PTPRD: variants seen among roughly 807,000 people sequenced by gnomAD.
The protein encoded by PTPRD is protein tyrosine phosphatase receptor type D, also known as receptor-type tyrosine-protein phosphatase delta.
PTPRD carries 34 observed loss-of-function variants against 214.5 expected under a neutral mutation model. The observed-to-expected ratio is 0.16, with a 90% CI of 0.12 to 0.21. PTPRD has a LOEUF of 0.21. Among genes scored for constraint, PTPRD ranks in the 10% least tolerant of loss-of-function variants. PTPRD has a pLI of 1.00. For synonymous variants in PTPRD, 1,128 were observed against 845.7 expected, an observed-to-expected ratio of 1.33 and a Z score of -5.79; for missense variants, 2,545 against 2,398.7, an observed-to-expected ratio of 1.06 and a Z score of -1.27.
rs895460150 is a variant in PTPRD at position 10,227,113 on chromosome 9, G to C, written c.-545+113850C>G. Among the ~76,000 whole-genome samples, 19 of 152,024 alleles carry C rather than the reference G, an allele frequency of 1.2e-4. No homozygotes were observed. The East Asian group carries it at 3.7e-3, about 30-fold the overall frequency. On this transcript the variant is annotated intron_variant, in intron 3 of 45. Coordinates refer to ENST00000381196, the MANE Select transcript of PTPRD (RefSeq NM_002839.4). The stretch of plus-strand genomic sequence containing the variant: ...ATCACACGAAAAATTAATAGAAAAA[G>C]TTATAAAATGGAAGCTAATATTGTA...
intron 39 of PTPRD, among the ~76,000 whole-genome samples, chr9:8,355,194 T>C (rs1034340911): frequency 1.3e-5 from 2 of 152,112 alleles, no homozygotes; most frequent in African/African-American, 4.8e-5. Context: ...GCACCTCTCC[T>C]GTCTCTCTCT....
chr9:10,099,399 G>A (rs2098529109), intron 3 of PTPRD, among the ~76,000 whole-genome samples: 1 of 151,630 alleles, frequency 6.6e-6, no homozygotes, highest in African/African-American at 2.4e-5. Flanking sequence ...GCAAATTAAT[G>A]TAGGAATAAA....
chr9:8,787,322 G>C (rs2096024873), intron 11 of PTPRD, among the ~76,000 whole-genome samples: 1 of 152,154 alleles, frequency 6.6e-6, no homozygotes, highest in Non-Finnish European at 1.5e-5. Context: ...GCAATATGGA[G>C]TCAAAGCTGC....
At chr9:10,595,000 A>T (rs1208558124) in intron 2 of PTPRD, among the ~76,000 whole-genome samples, 2 of 130,386 alleles carry the variant, frequency 1.5e-5, no homozygotes, top group Non-Finnish European at 3.3e-5. Context: ...AAGCTCAATG[A>T]CAGGTTGACT....
intron 9 of PTPRD, among the ~76,000 whole-genome samples, chr9:9,367,239 T>C (rs1029941366): frequency 6.6e-6 from 1 of 151,354 alleles, no homozygotes; most frequent in African/African-American, 2.4e-5. Flanking sequence ...TAGATTACAG[T>C]GGGGGAGGTG....
At chr9:10,333,095 G>A (rs1017602849) in intron 3 of PTPRD, among the ~76,000 whole-genome samples, 5 of 151,838 alleles carry the variant, frequency 3.3e-5, no homozygotes, top group African/African-American at 1.2e-4. Flanking sequence ...GAATAAATAA[G>A]TGATTGATTT....
chr9:9,763,219 A>C (rs2098675749), intron 6 of PTPRD, among the ~76,000 whole-genome samples: 1 of 152,180 alleles, frequency 6.6e-6, no homozygotes, highest in Non-Finnish European at 1.5e-5. Context: ...AGTTTCAAGA[A>C]AAAATAGAAA....
At chr9:9,740,220 T>C (rs1248882973) in intron 6 of PTPRD, among the ~76,000 whole-genome samples, 1 of 152,236 alleles carries the variant, frequency 6.6e-6, no homozygotes, top group Non-Finnish European at 1.5e-5. Flanking sequence ...GATTTGGGAT[T>C]CATCTTTCTT....
intron 4 of PTPRD, among the ~76,000 whole-genome samples, chr9:9,943,400 G>A (rs535541020): frequency 1.3e-5 from 2 of 152,090 alleles, no homozygotes; most frequent in African/African-American, 4.8e-5. Context: ...CGTCAGGTCA[G>A]TAAGAAGTTT....
chr9:8,586,819 C>T (rs759902176), intron 14 of PTPRD, among the ~76,000 whole-genome samples: 11 of 152,192 alleles, frequency 7.2e-5, no homozygotes, highest in East Asian at 1.9e-4. Context: ...ATAAAGTCAG[C>T]GAGGTTATCT....
In PTPRD at chr9:9,154,315, T is replaced by C. The variant is rs189416658; in HGVS notation, c.-143+28989A>G. On this transcript the variant is annotated intron_variant, in intron 10 of 45. Transcript: ENST00000381196. ...CCATAACAAAATACCACGGAGTTGG[T>C]GGCTTAAACCACAAGCATTTGTTTT... Among the ~76,000 whole-genome samples, 402 of 152,306 alleles carry C rather than the reference T, an allele frequency of 2.6e-3. 1 individual carries two copies. Among genetic ancestry groups the C allele is most frequent in the African/African-American group, 9.2e-3 (382 of 41,574 alleles).
chr9:9,508,769 T>C lies in PTPRD; in HGVS notation c.-237+65963A>G, dbSNP rs1047639927. Among the ~76,000 whole-genome samples, 10 of 151,622 alleles carry C rather than the reference T, an allele frequency of 6.6e-5. No individual in the cohort carries two copies. In the Admixed American group the frequency reaches 6.6e-4, roughly 10 times the overall value. On this transcript the variant is annotated intron_variant, in intron 8 of 45. Coordinates refer to ENST00000381196, the MANE Select transcript of PTPRD (RefSeq NM_002839.4). ...CCTTCAGCAACTTTCCCTGCTCTTA[T>C]CTCCTTCCTTTTCCCTGGCTGTCTC... is the stretch of plus-strand genomic sequence containing the variant.
intron 11 of PTPRD, among the ~76,000 whole-genome samples, chr9:8,803,763 T>A (rs1220329678): frequency 6.6e-6 from 1 of 151,100 alleles, no homozygotes; most frequent in East Asian, 1.9e-4. Context: ...AAAGAAAAAG[T>A]ACGAAATCAT....
At chr9:9,630,100 T>C (rs779073257) in intron 7 of PTPRD, among the ~76,000 whole-genome samples, 2 of 152,146 alleles carry the variant, frequency 1.3e-5, no homozygotes, top group African/African-American at 2.4e-5. Flanking sequence ...AAGGATTATA[T>C]GGAAACACAT....
intron 35 of PTPRD, among the ~76,000 whole-genome samples, chr9:8,416,763 C>T (rs75412958): frequency 0.034 from 5,227 of 152,138 alleles, 253 homozygotes; most frequent in African/African-American, 0.12. Context: ...ATTATGATGA[C>T]AATGAGGGGT....
At chr9:9,354,031 C>CT (rs2052603995) in intron 9 of PTPRD, among the ~76,000 whole-genome samples, 1 of 151,746 alleles carries the variant, frequency 6.6e-6, no homozygotes, top group Non-Finnish European at 1.5e-5. Context: ...CTCCTAGAGG[C>CT]TGCTCTGAGC....
At chr9:10,129,693 ATTATAATTACCGT>A (rs1162470740) in intron 3 of PTPRD, among the ~76,000 whole-genome samples, 1 of 151,992 alleles carries the variant, frequency 6.6e-6, no homozygotes, top group Non-Finnish European at 1.5e-5. Context: ...AAGCTGGTAC[ATTATAATTACCGT>A]TCTGTCAGTA....
chr9:8,677,530 G>A (rs551777465), intron 12 of PTPRD, among the ~76,000 whole-genome samples: 6 of 152,266 alleles, frequency 3.9e-5, no homozygotes, highest in African/African-American at 1.4e-4. Flanking sequence ...TGAGGGTGGA[G>A]GGTGAGGAGG....
chr9:8,982,219 T>C (rs1034408347), intron 11 of PTPRD, among the ~76,000 whole-genome samples: 2 of 152,050 alleles, frequency 1.3e-5, no homozygotes, highest in African/African-American at 4.8e-5. Context: ...TGGTATTTCA[T>C]TGAAATGCAC....
Sources: allele counts gnomAD v4.1 joint callset (sites outside exome capture counted in the v4.1 genomes callset), GRCh38; gene constraint gnomAD v4.1.1; transcripts MANE v1.5; gene names NCBI Gene and HGNC (gene_info 2026-07-23, HGNC 2026-07-21).